Variants in SEL1L2 observed in about 807,000 individuals in gnomAD.
SEL1L2 encodes SEL1L2 adaptor subunit of SYVN1 ubiquitin ligase.
Under a neutral mutation model 98.8 loss-of-function variants are expected in SEL1L2, and 89 were observed. The ratio of observed to expected loss-of-function variants is 0.90; its 90% CI spans 0.76 to 1.07. The LOEUF (loss-of-function observed/expected upper bound fraction) is 1.07, where lower values mean the gene tolerates loss of function less well. SEL1L2 is among the 50% of genes least tolerant of loss of function. SEL1L2 has a pLI of 0.00. For missense variants in SEL1L2, 788 were observed against 812.0 expected (o/e 0.97, Z 0.36); for synonymous variants, 262 against 278.5 (o/e 0.94, Z 0.59).
chr20:13,886,396 C>T lies in SEL1L2; in HGVS notation c.792G>A (p.Val264=). ...EKSEGVPVEK[V]RLTERPENLS... Reference sequence around the variant, plus strand: ...GATTTTCAGGTCTTTCCGTTAGTCTCACTTTTTCCACTGGAACACCTTCAC... The same window carrying T: ...GATTTTCAGGTCTTTCCGTTAGTCTTACTTTTTCCACTGGAACACCTTCAC... Residue 264 remains valine (V), a synonymous_variant, in exon 9 of 20, where the codon GTG becomes GTA. Coordinates refer to ENST00000284951, the MANE Select transcript of SEL1L2 (RefSeq NM_025229.2). The T allele has an allele frequency of 6.2e-7, 1 of 1,613,982 alleles. No homozygotes were observed. The highest frequency in any genetic ancestry group is 1.1e-5 in the South Asian group (1 of 91,062).
intron 1 of SEL1L2, among the ~76,000 whole-genome samples, chr20:13,983,212 A>ACTCAG (rs2051952360): frequency 6.6e-6 from 1 of 151,968 alleles, no homozygotes; most frequent in African/African-American, 2.4e-5. Flanking sequence ...CAAAAGGGAA[A>ACTCAG]TAACTCAGTA....
chr20:13,917,847 T>C (rs909962139), intron 4 of SEL1L2, among the ~76,000 whole-genome samples: 1 of 128,502 alleles, frequency 7.8e-6, no homozygotes, highest in African/African-American at 3.0e-5. Context: ...ACCCAGAGGC[T>C]AGAGTGTTAT....
At chr20:13,900,316 A>T (rs188412265) in intron 5 of SEL1L2, among the ~76,000 whole-genome samples, 1 of 152,252 alleles carries the variant, frequency 6.6e-6, no homozygotes, top group Non-Finnish European at 1.5e-5. Flanking sequence ...CATTTCTTTC[A>T]ATCTGTGGTT....
chr20:13,949,792 T>C (rs575283757), intron 2 of SEL1L2, among the ~76,000 whole-genome samples: 3 of 151,878 alleles, frequency 2.0e-5, no homozygotes, highest in African/African-American at 7.2e-5. Context: ...GGAAAACAAA[T>C]GATGATCAGA....
At position 13,866,717 on chromosome 20, in the gene SEL1L2, G is replaced by A. The variant is rs1385444252; in HGVS notation, c.1389C>T (p.Cys463=). The A allele has an allele frequency of 6.3e-7, 1 of 1,591,298 alleles. No individual in the cohort carries two copies. Among genetic ancestry groups the A allele is most frequent in the Non-Finnish European group, 8.5e-7 (1 of 1,171,788 alleles). ...TTATATTTACCTCCACAGCAGTTCTGCATGATCTTACTACTCCTGTTCCTG... is the reference window on the plus strand; with the variant it reads ...TTATATTTACCTCCACAGCAGTTCTACATGATCTTACTACTCCTGTTCCTG... ...YATGTGVVRS[C]RTAVELYKGV... Residue 463 remains cysteine (C), a synonymous_variant, in exon 15 of 20, where the codon TGC becomes TGT. Coordinates refer to ENST00000284951, the MANE Select transcript of SEL1L2 (RefSeq NM_025229.2).
chr20:13,903,562 G>C (rs1053448523), intron 5 of SEL1L2, among the ~76,000 whole-genome samples: 5 of 152,128 alleles, frequency 3.3e-5, no homozygotes, highest in Non-Finnish European at 7.3e-5. Context: ...ACTAGTCGAA[G>C]AAGTATTTAG....
intron 5 of SEL1L2, among the ~76,000 whole-genome samples, chr20:13,909,844 A>G (rs2048137871): frequency 6.6e-6 from 1 of 151,956 alleles, no homozygotes; most frequent in Non-Finnish European, 1.5e-5. Context: ...CACAGCCCGT[A>G]GTTCCGTTCC....
chr20:13,955,269 T>C (rs1298946605), intron 2 of SEL1L2, among the ~76,000 whole-genome samples: 2 of 152,034 alleles, frequency 1.3e-5, no homozygotes, highest in Non-Finnish European at 2.9e-5. Flanking sequence ...GGAAGGGGTA[T>C]AGAAGAAGGT....
chr20:13,985,380 A>G (rs2052112063), intron 1 of SEL1L2, among the ~76,000 whole-genome samples: 2 of 152,176 alleles, frequency 1.3e-5, no homozygotes, highest in African/African-American at 4.8e-5. Context: ...CTGGCCTGAA[A>G]TGTTCTTGTT....
chr20:13,849,490 C>G lies in SEL1L2; in HGVS notation c.2062G>C (p.Gly688Arg). 1 of 1,613,918 alleles carries G rather than the reference C, an allele frequency of 6.2e-7. No individual in the cohort carries two copies. Among genetic ancestry groups the G allele is most frequent in the African/African-American group, 1.3e-5 (1 of 75,038 alleles). Residue 688 changes from glycine to arginine, a missense_variant, in exon 20 of 20, where the codon GGG (glycine) becomes CGG (arginine). Coordinates refer to ENST00000284951, the MANE Select transcript of SEL1L2 (RefSeq NM_025229.2). ...GTTTTCCTGTGATCCGCATCCTACC[C>G]ATGGTGATTTCTAAGCAACAAAATC... is the stretch of plus-strand genomic sequence containing the variant. ...GLILLLRNHH[G>R]
At chr20:13,860,824 T>C (rs1437414825) in intron 17 of SEL1L2, among the ~76,000 whole-genome samples, 1 of 152,104 alleles carries the variant, frequency 6.6e-6, no homozygotes, top group East Asian at 1.9e-4. Context: ...CTCTTATAAT[T>C]GCCTCTTGAT....
At chr20:13,992,161 G>A (rs976633345), upstream of SEL1L2, among the ~76,000 whole-genome samples, 1 of 152,144 alleles carries the variant, frequency 6.6e-6, no homozygotes, top group Admixed American at 6.5e-5. Flanking sequence ...AAGAACGAGA[G>A]TGAGTCAGCT....
intron 2 of SEL1L2, among the ~76,000 whole-genome samples, chr20:13,948,963 T>A (rs1163545685): frequency 1.3e-5 from 2 of 152,154 alleles, no homozygotes; most frequent in Non-Finnish European, 2.9e-5. Context: ...TCTATGTTTA[T>A]CCAAAAAACT....
chr20:13,850,830 T>C (rs1988127894), intron 18 of SEL1L2, among the ~76,000 whole-genome samples: 1 of 152,128 alleles, frequency 6.6e-6, no homozygotes, highest in South Asian at 2.1e-4. Flanking sequence ...CTGTTTTAGG[T>C]CCCCAAATTT....
chr20:13,864,407 G>T (rs967128973), intron 17 of SEL1L2, among the ~76,000 whole-genome samples: 1 of 152,122 alleles, frequency 6.6e-6, no homozygotes, highest in Non-Finnish European at 1.5e-5. Flanking sequence ...AAGCAAAATT[G>T]CTCTCTTATT....
At chr20:13,984,308 A>G (rs2052032855) in intron 1 of SEL1L2, among the ~76,000 whole-genome samples, 1 of 152,092 alleles carries the variant, frequency 6.6e-6, no homozygotes, top group African/African-American at 2.4e-5. Flanking sequence ...CACCGCACTC[A>G]GCCTTGAAAT....
At chr20:13,932,244 A>T (rs1413738103) in intron 2 of SEL1L2, among the ~76,000 whole-genome samples, 1 of 152,148 alleles carries the variant, frequency 6.6e-6, no homozygotes. Context: ...AATTACAATT[A>T]ATCTTTTTTA....
At chr20:13,978,769 TGA>T (rs2051668095) in intron 1 of SEL1L2, among the ~76,000 whole-genome samples, 1 of 151,992 alleles carries the variant, frequency 6.6e-6, no homozygotes, top group Non-Finnish European at 1.5e-5. Flanking sequence ...TGAAAAAGAA[TGA>T]AATCACCAGG....
At chr20:13,914,772 T>G (rs1417834380) in intron 4 of SEL1L2, among the ~76,000 whole-genome samples, 2 of 152,106 alleles carry the variant, frequency 1.3e-5, no homozygotes, top group African/African-American at 2.4e-5. Context: ...GATTCTAAAG[T>G]TTTATAGCAT....
Sources: allele counts gnomAD v4.1 joint callset (sites outside exome capture counted in the v4.1 genomes callset), GRCh38; gene constraint gnomAD v4.1.1; transcripts MANE v1.5; gene names NCBI Gene and HGNC (gene_info 2026-07-23, HGNC 2026-07-21).